Variants in GPR158 observed in about 807,000 individuals in gnomAD.
The protein encoded by GPR158 is metabotropic glycine receptor.
A neutral mutation model predicts 78.2 loss-of-function variants in GPR158; 30 were observed. The ratio of observed to expected loss-of-function variants is 0.38; its 90% CI spans 0.29 to 0.52. GPR158 has a LOEUF of 0.52. Among genes scored for constraint, GPR158 ranks in the 20% least tolerant of loss-of-function variants. The pLI is 0.83. For synonymous variants in GPR158, 581 were observed against 591.1 expected, an observed-to-expected ratio of 0.98 and a Z score of 0.25; for missense variants, 1,463 against 1,523.5, an observed-to-expected ratio of 0.96 and a Z score of 0.66.
At chr10:25,257,717 A>AT (rs940967957) in intron 2 of GPR158, among the ~76,000 whole-genome samples, 3 of 152,174 alleles carry the variant, frequency 2.0e-5, no homozygotes, top group Admixed American at 2.0e-4. Flanking sequence ...TTGTATTCAT[A>AT]TTATATCATT....
At chr10:25,479,215 A>T (rs1199396512) in intron 5 of GPR158, among the ~76,000 whole-genome samples, 3 of 152,208 alleles carry the variant, frequency 2.0e-5, no homozygotes, top group African/African-American at 7.2e-5. Context: ...AAGTTAAAAA[A>T]AATTGTAATA....
intron 4 of GPR158, among the ~76,000 whole-genome samples, chr10:25,427,337 A>G (rs1834838543): frequency 6.6e-6 from 1 of 151,974 alleles, no homozygotes; most frequent in South Asian, 2.1e-4. Flanking sequence ...TTTTACTCCT[A>G]CCTCTTGCTA....
intron 2 of GPR158, among the ~76,000 whole-genome samples, chr10:25,223,512 G>A (rs1332186760): frequency 1.3e-5 from 2 of 152,288 alleles, no homozygotes; most frequent in African/African-American, 4.8e-5. Flanking sequence ...CCTCAGTGTA[G>A]TTACTGGGAA....
At chr10:25,245,401 G>C (rs1254952442) in intron 2 of GPR158, among the ~76,000 whole-genome samples, 1 of 152,054 alleles carries the variant, frequency 6.6e-6, no homozygotes, top group African/African-American at 2.4e-5. Context: ...AGAGGGTTCA[G>C]AGAAGAGGAA....
intron 3 of GPR158, among the ~76,000 whole-genome samples, chr10:25,403,933 T>C (rs899469583): frequency 1.3e-5 from 2 of 152,002 alleles, no homozygotes; most frequent in African/African-American, 4.8e-5. Flanking sequence ...AGGTGCTAAG[T>C]GTATAAAGAG....
chr10:25,466,786 T>G (rs911245470), intron 5 of GPR158, 67 bp downstream of exon 5: 1 of 776,578 alleles, frequency 1.3e-6, no homozygotes, highest in Non-Finnish European at 2.1e-6. Context: ...AAGTTACTGT[T>G]TACACACACA....
chr10:25,356,819 G>T (rs374866527), intron 2 of GPR158, among the ~76,000 whole-genome samples: 3 of 152,138 alleles, frequency 2.0e-5, no homozygotes, highest in East Asian at 3.9e-4. Flanking sequence ...CAGGAATGGG[G>T]TGCTACTATT....
intron 2 of GPR158, among the ~76,000 whole-genome samples, chr10:25,266,146 C>T (rs1482713297): frequency 2.0e-5 from 3 of 152,166 alleles, no homozygotes; most frequent in Non-Finnish European, 2.9e-5. Context: ...GCTCAGTCTT[C>T]ATGTTCAGGA....
At chr10:25,192,184 T>C (rs538016987) in intron 1 of GPR158, among the ~76,000 whole-genome samples, 8 of 152,256 alleles carry the variant, frequency 5.3e-5, no homozygotes, top group African/African-American at 1.4e-4. Context: ...TCACGAGATC[T>C]GATGGTTTTA....
At chr10:25,580,893 T>A (rs965477501) in intron 7 of GPR158, among the ~76,000 whole-genome samples, 6 of 140,276 alleles carry the variant, frequency 4.3e-5, no homozygotes, top group Non-Finnish European at 3.0e-5. Context: ...GCCCAGCTAA[T>A]TTTTTTATTT....
intron 5 of GPR158, among the ~76,000 whole-genome samples, chr10:25,523,754 T>C (rs1353956744): frequency 6.6e-6 from 1 of 152,036 alleles, no homozygotes; most frequent in African/African-American, 2.4e-5. Context: ...TCCTCTAAGA[T>C]CAGGAATCAC....
chr10:25,377,340 A>G (rs988226466), intron 2 of GPR158, among the ~76,000 whole-genome samples: 3 of 152,036 alleles, frequency 2.0e-5, no homozygotes, highest in Non-Finnish European at 4.4e-5. Flanking sequence ...TTTCAAGGAA[A>G]TGTCTTCTTT....
Position 25,597,874 on chromosome 10 carries a change from C to G in GPR158, c.2248C>G (p.Leu750Val). 6.3e-7 allele frequency: 1 copy of G among 1,598,500 alleles called. No homozygotes were observed. Among genetic ancestry groups the G allele is most frequent in the Non-Finnish European group, 8.5e-7 (1 of 1,173,540 alleles). Residue 750 changes from leucine to valine, a missense_variant, in exon 11 of 11, where the codon CTA becomes GTA. Physicochemically the swap from Leu to Val is conservative, Grantham distance 32. Coordinates refer to ENST00000376351, the MANE Select transcript of GPR158 (RefSeq NM_020752.3). ...LQKKRCSKKG[L>V]GRSIMRRITE... ...GAAAAAGCGGTGCTCGAAGAAGGGC[C>G]TAGGTCGTTCCATCATGAGACGCAT... is the stretch of plus-strand genomic sequence containing the variant.
intron 6 of GPR158, among the ~76,000 whole-genome samples, chr10:25,556,581 C>T (rs956771288): frequency 1.3e-5 from 2 of 152,096 alleles, no homozygotes; most frequent in African/African-American, 4.8e-5. Flanking sequence ...TTACTCATAG[C>T]GACATTTCTT....
intron 3 of GPR158, among the ~76,000 whole-genome samples, chr10:25,403,096 A>T (rs540228717): frequency 6.6e-6 from 1 of 151,908 alleles, no homozygotes; most frequent in African/African-American, 2.4e-5. Flanking sequence ...TAAAATATAC[A>T]TAGTTTTCTT....
intron 2 of GPR158, among the ~76,000 whole-genome samples, chr10:25,340,236 T>C (rs942652509): frequency 1.3e-5 from 2 of 152,122 alleles, no homozygotes; most frequent in Admixed American, 6.6e-5. Flanking sequence ...TTTGTTTGTT[T>C]GTTTTATTTT....
chr10:25,601,480 C>T lies in GPR158; in HGVS notation c.*2206C>T, dbSNP rs1379543715. On this transcript the variant is annotated 3_prime_UTR_variant, in exon 11 of 11. Transcript: ENST00000376351. ...TCTGAAATCTGTTAGCACTTGATTC[C>T]TTTCTTGAGAATTATGCAGTCAAGC... is the stretch of plus-strand genomic sequence containing the variant. 4 of 152,568 alleles carry T rather than the reference C, an allele frequency of 2.6e-5. No individual in the cohort carries two copies. The highest frequency in any genetic ancestry group is 9.7e-5 in the African/African-American group (4 of 41,446). The allele number at this position is 152,568 out of a possible 1,614,324, so 9.5% of individuals were successfully genotyped here. A position where few individuals can be genotyped will look rare whatever the true frequency, so the allele number is the denominator to read the frequency against.
chr10:25,217,290 T>C (rs1448043226), intron 1 of GPR158, among the ~76,000 whole-genome samples: 2 of 152,178 alleles, frequency 1.3e-5, no homozygotes, highest in Non-Finnish European at 2.9e-5. Flanking sequence ...AAGCAATATA[T>C]GTTAAAGTTG....
intron 3 of GPR158, among the ~76,000 whole-genome samples, chr10:25,397,184 T>C (rs1163898771): frequency 6.6e-6 from 1 of 152,166 alleles, no homozygotes; most frequent in Non-Finnish European, 1.5e-5. Flanking sequence ...ACAGAAGTGA[T>C]TATACAGGGC....
Sources: gnomAD v4.1 joint callset for allele counts (sites outside exome capture counted in the v4.1 genomes callset) on GRCh38, gnomAD v4.1.1 for gene constraint, MANE v1.5 for transcripts, NCBI Gene and HGNC (gene_info 2026-07-23, HGNC 2026-07-21) for gene names.